Variants in SLC7A14 observed in about 807,000 individuals in gnomAD.
The protein encoded by SLC7A14 is solute carrier family 7 member 14.
In SLC7A14, 37 loss-of-function variants were observed where a neutral mutation model predicts 60.2. That is an observed-to-expected ratio of 0.61 (90% CI 0.47 to 0.81). The LOEUF (loss-of-function observed/expected upper bound fraction) is 0.81, where lower values mean the gene tolerates loss of function less well. Among genes scored for constraint, SLC7A14 ranks in the 30% least tolerant of loss-of-function variants. SLC7A14 has a pLI of 0.00. For synonymous variants in SLC7A14, 399 were observed against 395.8 expected (o/e 1.01, Z -0.10); for missense variants, 886 against 982.7 (o/e 0.90, Z 1.32).
intron 7 of SLC7A14, among the ~76,000 whole-genome samples, chr3:170,470,330 G>GTGTGTGTGTGTGTC (rs775663095): frequency 4.6e-5 from 7 of 151,626 alleles, no homozygotes; most frequent in Non-Finnish European, 1.0e-4. Context: ...GTGTGTGTGT[G>GTGTGTGTGTGTGTC]TGTGTGTGTA....
intron 5 of SLC7A14, among the ~76,000 whole-genome samples, chr3:170,484,718 G>C (rs961241003): frequency 6.6e-6 from 1 of 152,206 alleles, no homozygotes; most frequent in East Asian, 1.9e-4. Context: ...CTCATGGTGG[G>C]GGAGGGGCTG....
rs771926846 is a variant in SLC7A14 at position 170,486,377 on chromosome 3, A to G, written c.760-9T>C. The G allele has an allele frequency of 1.9e-6, 3 of 1,614,158 alleles. No individual in the cohort carries two copies. In the South Asian group the frequency reaches 3.3e-5, roughly 18 times the overall value. On this transcript the variant is annotated splice_polypyrimidine_tract_variant and intron_variant, in intron 4 of 7. Transcript: ENST00000231706. ...GCTGCTCCTTGCAGCACCTGTGTGGATGATGGCATTTGTCAGACTCAGAAG... is the reference window on the plus strand; with the variant it reads ...GCTGCTCCTTGCAGCACCTGTGTGGGTGATGGCATTTGTCAGACTCAGAAG...
chr3:170,467,352 G>A lies in SLC7A14; in HGVS notation c.2019C>T (p.Gly673=). 1.2e-6 allele frequency: 2 copies of A among 1,604,212 alleles called. No individual in the cohort carries two copies. The highest frequency in any genetic ancestry group is 1.7e-6 in the Non-Finnish European group (2 of 1,174,536). Residue 673 remains glycine, a synonymous_variant, in exon 8 of 8, where the codon GGC becomes GGT. Coordinates refer to ENST00000231706, the MANE Select transcript of SLC7A14 (RefSeq NM_020949.3). ...TGATTTCCAGGGTGCTGTTCCAGAT[G>A]CCATATCCAAAATAAATGAGCAGAC... The part of the protein sequence containing the change: ...FVGLLIYFGY[G]IWNSTLEISA...
At chr3:170,481,998 C>T (rs1456492476) in intron 6 of SLC7A14, among the ~76,000 whole-genome samples, 2 of 152,280 alleles carry the variant, frequency 1.3e-5, no homozygotes, top group Non-Finnish European at 1.5e-5. Flanking sequence ...TTTAAAAGAC[C>T]TCCAGAGGAT....
At chr3:170,540,456 C>CT (rs879374882) in intron 1 of SLC7A14, among the ~76,000 whole-genome samples, 275 of 143,708 alleles carry the variant, frequency 1.9e-3, no homozygotes, top group African/African-American at 4.8e-3. Flanking sequence ...TAGTTTGCTT[C>CT]TTTTTTTTTT....
Position 170,482,169 on chromosome 3 carries a change from G to A in SLC7A14, c.1116-1003C>T, listed in dbSNP as rs141306758. On this transcript the variant is annotated intron_variant, in intron 6 of 7. Coordinates refer to ENST00000231706, the MANE Select transcript of SLC7A14 (RefSeq NM_020949.3). ...ACCAAGAAGAGCGACTGAATGGCATGTGCAATAGGCTCCCTCTCCTCTCCC... is the reference window on the plus strand; with the variant it reads ...ACCAAGAAGAGCGACTGAATGGCATATGCAATAGGCTCCCTCTCCTCTCCC... Among the ~76,000 whole-genome samples, 749 of 152,254 alleles carry A rather than the reference G, an allele frequency of 4.9e-3. 8 individuals carry two copies. Among genetic ancestry groups the A allele is most frequent in the African/African-American group, 0.017 (699 of 41,536 alleles).
chr3:170,526,121 G>T (rs1187736611), intron 2 of SLC7A14, among the ~76,000 whole-genome samples: 1 of 150,074 alleles, frequency 6.7e-6, no homozygotes, highest in East Asian at 2.0e-4. Flanking sequence ...AAAAAAGAAG[G>T]CCAGGCGCGG....
intron 7 of SLC7A14, among the ~76,000 whole-genome samples, chr3:170,474,427 A>T (rs1388788076): frequency 6.6e-6 from 1 of 152,144 alleles, no homozygotes; most frequent in Non-Finnish European, 1.5e-5. Flanking sequence ...CGATTGCATG[A>T]TCCACCTTCA....
chr3:170,494,488 C>T (rs1466113310), intron 4 of SLC7A14, among the ~76,000 whole-genome samples: 2 of 152,118 alleles, frequency 1.3e-5, no homozygotes, highest in South Asian at 4.1e-4. Context: ...AAGGGAGACC[C>T]CCAAAGAGAA....
At chr3:170,471,010 A>C (rs1739885334) in intron 7 of SLC7A14, among the ~76,000 whole-genome samples, 1 of 151,968 alleles carries the variant, frequency 6.6e-6, no homozygotes, top group Non-Finnish European at 1.5e-5. Flanking sequence ...TTGATGTTGC[A>C]CCTTTGTCCC....
At position 170,483,419 on chromosome 3, in the gene SLC7A14, A is replaced by G; in HGVS notation, c.1010T>C (p.Val337Ala). ...TCCTGCAACCGACCCAATGGCCACT[A>G]CGAATTTGGCAGCATAGAACCCATG... ...VAHGFYAAKF[V>A]VAIGSVAGLT... is the part of the protein sequence containing the mutation. The change falls in exon 6 of 8, where the codon GTA becomes GCA. Residue 337 changes from valine to alanine, a missense_variant. Transcript: ENST00000231706. 4 of 1,614,238 alleles carry G rather than the reference A, an allele frequency of 2.5e-6. No homozygotes were observed. Among genetic ancestry groups the G allele is most frequent in the Non-Finnish European group, 3.4e-6 (4 of 1,180,046 alleles).
At chr3:170,506,770 C>T (rs1712793219) in intron 2 of SLC7A14, among the ~76,000 whole-genome samples, 1 of 152,168 alleles carries the variant, frequency 6.6e-6, no homozygotes, top group Non-Finnish European at 1.5e-5. Context: ...CCCTATTGCC[C>T]TTTTAGAACC....
At chr3:170,538,355 G>A (rs185025218) in intron 1 of SLC7A14, among the ~76,000 whole-genome samples, 1 of 152,220 alleles carries the variant, frequency 6.6e-6, no homozygotes, top group East Asian at 1.9e-4. Flanking sequence ...TTGCTCTTGT[G>A]GGGGCTGGCC....
At chr3:170,507,739 CTT>C (rs1486879928) in intron 2 of SLC7A14, among the ~76,000 whole-genome samples, 1 of 152,166 alleles carries the variant, frequency 6.6e-6, no homozygotes, top group Non-Finnish European at 1.5e-5. Flanking sequence ...AAAGCTCTCT[CTT>C]AGTTGTAGAA....
intron 7 of SLC7A14, among the ~76,000 whole-genome samples, chr3:170,472,949 T>C (rs1176779135): frequency 6.6e-6 from 1 of 152,184 alleles, no homozygotes; most frequent in Non-Finnish European, 1.5e-5. Flanking sequence ...TTAAATACTT[T>C]GTGGTTGTAA....
intron 1 of SLC7A14, among the ~76,000 whole-genome samples, chr3:170,584,739 C>CGG (rs1399114612): frequency 2.0e-5 from 3 of 152,294 alleles, no homozygotes; most frequent in African/African-American, 7.2e-5. Flanking sequence ...TCCCTGCACT[C>CGG]AGTCGGAGGA....
intron 2 of SLC7A14, among the ~76,000 whole-genome samples, chr3:170,503,498 A>G (rs1264456905): frequency 6.6e-6 from 1 of 152,146 alleles, no homozygotes. Context: ...TCTTTCAGTG[A>G]TGTGTGAGGA....
intron 7 of SLC7A14, among the ~76,000 whole-genome samples, chr3:170,471,967 T>G (rs1739922447): frequency 6.6e-6 from 1 of 152,184 alleles, no homozygotes; most frequent in African/African-American, 2.4e-5. Context: ...AGCAGTGTCC[T>G]GGAGGCTCCT....
At chr3:170,563,799 C>T (rs1714726158) in intron 1 of SLC7A14, among the ~76,000 whole-genome samples, 1 of 152,172 alleles carries the variant, frequency 6.6e-6, no homozygotes, top group Non-Finnish European at 1.5e-5. Context: ...TTAAATAATA[C>T]ATGCACCCTC....
Sources: gnomAD v4.1 joint callset for allele counts (sites outside exome capture counted in the v4.1 genomes callset) on GRCh38, gnomAD v4.1.1 for gene constraint, MANE v1.5 for transcripts, NCBI Gene and HGNC (gene_info 2026-07-23, HGNC 2026-07-21) for gene names.